GOLM2: variants seen among roughly 807,000 people sequenced by gnomAD.
GOLM2 encodes protein GOLM2.
In GOLM2, 26 loss-of-function variants were observed where a neutral mutation model predicts 55.9. The observed-to-expected ratio is 0.47, with a 90% CI of 0.34 to 0.65. The LOEUF (loss-of-function observed/expected upper bound fraction) is 0.65. Among genes scored for constraint, GOLM2 ranks in the 30% least tolerant of loss-of-function variants. The pLI is 0.01. For synonymous variants in GOLM2, 165 were observed against 194.6 expected, an observed-to-expected ratio of 0.85 and a Z score of 1.27; for missense variants, 486 against 531.8, an observed-to-expected ratio of 0.91 and a Z score of 0.85.
intron 6 of GOLM2, among the ~76,000 whole-genome samples, chr15:44,366,296 C>CAAAAAAAAAAAAAAA (rs34413737): frequency 1.8e-5 from 1 of 55,504 alleles, no homozygotes; most frequent in African/African-American, 6.8e-5. Context: ...GACTCCGTCT[C>CAAAAAAAAAAAAAAA]AAAAAAAAAA....
chr15:44,366,864 GA>G (rs984937405), intron 6 of GOLM2, among the ~76,000 whole-genome samples: 1 of 151,264 alleles, frequency 6.6e-6, no homozygotes, highest in African/African-American at 2.4e-5. Flanking sequence ...CCCTGTCAAA[GA>G]AAAAAACAAA....
chr15:44,332,609 T>G (rs1378568260), intron 4 of GOLM2, among the ~76,000 whole-genome samples: 1 of 152,128 alleles, frequency 6.6e-6, no homozygotes, highest in Non-Finnish European at 1.5e-5. Context: ...TCCATCTTTT[T>G]AAAAAAATAA....
chr15:44,351,381 C>T (rs1179859706), intron 6 of GOLM2, among the ~76,000 whole-genome samples: 1 of 151,784 alleles, frequency 6.6e-6, no homozygotes, highest in Non-Finnish European at 1.5e-5. Context: ...TAGAGACCAT[C>T]CTGGCTAACA....
At chr15:44,316,144 A>C (rs1034439670) in intron 1 of GOLM2, among the ~76,000 whole-genome samples, 7 of 152,224 alleles carry the variant, frequency 4.6e-5, no homozygotes, top group African/African-American at 1.7e-4. Flanking sequence ...GTCATGTAAT[A>C]GTAAGAACTC....
intron 6 of GOLM2, among the ~76,000 whole-genome samples, chr15:44,366,540 G>A (rs900860554): frequency 6.6e-6 from 1 of 152,046 alleles, no homozygotes; most frequent in Non-Finnish European, 1.5e-5. Flanking sequence ...AGGCTGAAGT[G>A]GGAGGATCAC....
chr15:44,380,710 A>T, intron 7 of GOLM2, 96 bp from the exon 8 acceptor site: 2 of 860,766 alleles, frequency 2.3e-6, no homozygotes, highest in Non-Finnish European at 3.2e-6. Context: ...GTTAAACAAT[A>T]GTGTGTCTTA....
At chr15:44,395,039 T>C (rs2079515509) in intron 8 of GOLM2, among the ~76,000 whole-genome samples, 1 of 151,814 alleles carries the variant, frequency 6.6e-6, no homozygotes, top group Non-Finnish European at 1.5e-5. Context: ...AGACGGAGTC[T>C]CGCTCTGTTG....
In GOLM2 at chr15:44,319,383, G is replaced by A. The variant is rs965692699; in HGVS notation, c.328-3582G>A. Reference sequence around the variant, plus strand: ...ATATGCCACCATGCTCGACTAATCTGTTTATTTATTTATTTTTTATTAGAG... The same window carrying A: ...ATATGCCACCATGCTCGACTAATCTATTTATTTATTTATTTTTTATTAGAG... On this transcript the variant is annotated intron_variant, in intron 1 of 9. Transcript: ENST00000299957. 2.6e-5 allele frequency among the ~76,000 whole-genome samples: 4 copies of A among 151,458 alleles called. No individual in the cohort carries two copies. The South Asian group carries it at 8.3e-4, about 32-fold the overall frequency.
intron 6 of GOLM2, among the ~76,000 whole-genome samples, chr15:44,375,614 CA>C (rs926162736): frequency 7.3e-5 from 11 of 151,192 alleles, no homozygotes; most frequent in African/African-American, 2.4e-4. Flanking sequence ...CTCCTCTCTA[CA>C]AAAAAAAATT....
At chr15:44,394,015 G>C (rs891125831) in intron 8 of GOLM2, among the ~76,000 whole-genome samples, 1 of 152,080 alleles carries the variant, frequency 6.6e-6, no homozygotes, top group African/African-American at 2.4e-5. Flanking sequence ...TTATACAAGG[G>C]ACTTTAACAT....
chr15:44,300,290 G>C (rs1231464687), intron 1 of GOLM2, among the ~76,000 whole-genome samples: 2 of 151,992 alleles, frequency 1.3e-5, no homozygotes, highest in Non-Finnish European at 2.9e-5. Context: ...GTTTAGTCTT[G>C]TATTATTCTA....
At chr15:44,318,436 G>A (rs140810106) in intron 1 of GOLM2, among the ~76,000 whole-genome samples, 187 of 152,284 alleles carry the variant, frequency 1.2e-3, no homozygotes, top group Non-Finnish European at 2.0e-3. Context: ...GACTGGGTGT[G>A]CGTGGCTTAC....
intron 1 of GOLM2, among the ~76,000 whole-genome samples, chr15:44,292,774 A>C (rs77148075): frequency 0.052 from 7,910 of 152,056 alleles, 326 homozygotes; most frequent in East Asian, 0.19. Context: ...TGGTCTCTGT[A>C]TTTTAAACTT....
chr15:44,302,436 C>T (rs543437357), intron 1 of GOLM2, among the ~76,000 whole-genome samples: 3 of 151,176 alleles, frequency 2.0e-5, no homozygotes, highest in East Asian at 2.0e-4. Flanking sequence ...TGAGCCACCA[C>T]GCCTAGTGGT....
intron 6 of GOLM2, among the ~76,000 whole-genome samples, chr15:44,354,451 A>G (rs2079184409): frequency 6.6e-6 from 1 of 152,008 alleles, no homozygotes; most frequent in Admixed American, 6.5e-5. Context: ...AAGTATAATA[A>G]TAATAAAATA....
chr15:44,345,424 A>T (rs2079117680), intron 6 of GOLM2, among the ~76,000 whole-genome samples: 1 of 151,748 alleles, frequency 6.6e-6, no homozygotes, highest in Non-Finnish European at 1.5e-5. Context: ...ACGCCCAGCT[A>T]ATTTTTTGTA....
At chr15:44,344,743 A>G (rs2079112123) in intron 6 of GOLM2, among the ~76,000 whole-genome samples, 1 of 151,576 alleles carries the variant, frequency 6.6e-6, no homozygotes, top group Admixed American at 6.6e-5. Flanking sequence ...GGCTTGTGCC[A>G]CCACATGCAA....
At chr15:44,407,951 C>T (rs954334939) in intron 9 of GOLM2, among the ~76,000 whole-genome samples, 2 of 151,596 alleles carry the variant, frequency 1.3e-5, no homozygotes, top group African/African-American at 4.9e-5. Flanking sequence ...AGGGTTTCAC[C>T]ATGTTGGCCA....
intron 6 of GOLM2, among the ~76,000 whole-genome samples, chr15:44,359,765 T>G (rs1248639709): frequency 6.6e-6 from 1 of 151,820 alleles, no homozygotes; most frequent in Non-Finnish European, 1.5e-5. Context: ...TTCACCAAAG[T>G]TGAAATGAAG....
Sources: allele counts gnomAD v4.1 joint callset (sites outside exome capture counted in the v4.1 genomes callset), GRCh38; gene constraint gnomAD v4.1.1; transcripts MANE v1.5; gene names NCBI Gene and HGNC (gene_info 2026-07-23, HGNC 2026-07-21).